The following ANXA10 variants were observed in gnomAD, a reference collection of about 807,000 sequenced individuals.
The protein encoded by ANXA10 is annexin A10.
ANXA10 carries 49 observed loss-of-function variants against 53.5 expected under a neutral mutation model. The ratio of observed to expected loss-of-function variants is 0.92; its 90% CI spans 0.73 to 1.16. The LOEUF (loss-of-function observed/expected upper bound fraction) is 1.16. Ranked by LOEUF, ANXA10 falls within the 50% of genes most tolerant of loss-of-function variation. The pLI is 0.00. For synonymous variants in ANXA10, 131 were observed against 128.9 expected (o/e 1.02, Z -0.11); for missense variants, 393 against 394.4 (o/e 1.00, Z 0.03).
intron 3 of ANXA10, among the ~76,000 whole-genome samples, chr4:168,160,509 C>T (rs544652158): frequency 2.6e-5 from 4 of 152,008 alleles, no homozygotes; most frequent in Admixed American, 6.6e-5. Flanking sequence ...AATAGTGCTG[C>T]GATGAACATA....
intron 1 of ANXA10, chr4:168,113,454 T>C (rs1266531597): frequency 6.6e-6 from 1 of 152,230 alleles, no homozygotes; most frequent in Non-Finnish European, 1.5e-5. Context: ...TCTGCTTTCA[T>C]CTCACTTGGT....
At chr4:168,157,209 C>T (rs959283655) in intron 3 of ANXA10, among the ~76,000 whole-genome samples, 23 of 151,994 alleles carry the variant, frequency 1.5e-4, no homozygotes, top group Admixed American at 7.9e-4. Flanking sequence ...ATAAAATAAA[C>T]TTTATTTATG....
intron 2 of ANXA10, among the ~76,000 whole-genome samples, chr4:168,136,532 A>G (rs1378871400): frequency 3.3e-5 from 5 of 152,238 alleles, no homozygotes; most frequent in Non-Finnish European, 7.3e-5. Flanking sequence ...TTAACAGGGC[A>G]GTCATTGAAT....
chr4:168,149,056 A>G (rs978525070), intron 3 of ANXA10, among the ~76,000 whole-genome samples: 1 of 152,028 alleles, frequency 6.6e-6, no homozygotes, highest in Non-Finnish European at 1.5e-5. Flanking sequence ...CCTTTTTTCT[A>G]TAGATTCTCT....
intron 4 of ANXA10, among the ~76,000 whole-genome samples, chr4:168,163,390 A>G (rs1731818867): frequency 6.6e-6 from 1 of 152,204 alleles, no homozygotes; most frequent in Admixed American, 6.5e-5. Context: ...TGTGACAGAA[A>G]AGAGGCAACA....
intron 1 of ANXA10, among the ~76,000 whole-genome samples, chr4:168,107,844 C>A (rs1730742445): frequency 6.6e-6 from 1 of 152,092 alleles, no homozygotes; most frequent in African/African-American, 2.4e-5. Context: ...GGCCTCATCT[C>A]CAAATACCAT....
intron 1 of ANXA10, among the ~76,000 whole-genome samples, chr4:168,111,381 A>T (rs1730804294): frequency 6.6e-6 from 1 of 152,180 alleles, no homozygotes; most frequent in Non-Finnish European, 1.5e-5. Context: ...TAGGCCTTTT[A>T]ACCACTTTAT....
At chr4:168,150,505 C>T (rs2149474080) in intron 3 of ANXA10, among the ~76,000 whole-genome samples, 1 of 152,240 alleles carries the variant, frequency 6.6e-6, no homozygotes, top group Non-Finnish European at 1.5e-5. Flanking sequence ...TTCTGACAGG[C>T]TGGGAAGCAT....
intron 1 of ANXA10, among the ~76,000 whole-genome samples, chr4:168,112,181 G>A (rs1267557521): frequency 2.0e-5 from 3 of 151,824 alleles, no homozygotes; most frequent in Non-Finnish European, 4.4e-5. Context: ...TTGTAGTCCC[G>A]GCTACTCAGG....
At chr4:168,148,472 T>C (rs182834406) in intron 3 of ANXA10, among the ~76,000 whole-genome samples, 1 of 152,288 alleles carries the variant, frequency 6.6e-6, no homozygotes, top group Admixed American at 6.5e-5. Context: ...GCCATGACAA[T>C]TTTTTAAAAT....
At chr4:168,153,425 A>AAAAAAAAAAAAAAC (rs1731532723) in intron 3 of ANXA10, among the ~76,000 whole-genome samples, 1 of 51,268 alleles carries the variant, frequency 2.0e-5, no homozygotes, top group African/African-American at 2.0e-4. Flanking sequence ...CCTAAAGCAA[A>AAAAAAAAAAAAAAC]AAAAAAAAAA....
intron 9 of ANXA10, 30 bp from the exon 10 acceptor site, chr4:168,181,653 G>T (rs761244276): frequency 6.4e-7 from 1 of 1,554,464 alleles, no homozygotes; most frequent in African/African-American, 1.4e-5. Flanking sequence ...CACTCTCAAT[G>T]TTTCTTCTTC....
At chr4:168,112,389 C>A (rs1730822793) in intron 1 of ANXA10, among the ~76,000 whole-genome samples, 1 of 152,050 alleles carries the variant, frequency 6.6e-6, no homozygotes, top group Non-Finnish European at 1.5e-5. Context: ...CATTTAGAAA[C>A]AAACACCTTA....
Position 168,179,303 on chromosome 4 carries a change from G to T in ANXA10, c.715G>T (p.Val239Phe), listed in dbSNP as rs1445201341. Residue 239 changes from valine (V) to phenylalanine (F), a missense_variant, in exon 9 of 12, where the codon GTT becomes TTT. Physicochemically the swap from Val to Phe is conservative, Grantham distance 50. Coordinates refer to ENST00000359299, the MANE Select transcript of ANXA10 (RefSeq NM_007193.5). ...TGATGGATACTTTCAGGAGCTGCTGGTTGCAATTGGTAAGTAATAAATTAT... is the reference window on the plus strand; with the variant it reads ...TGATGGATACTTTCAGGAGCTGCTGTTTGCAATTGGTAAGTAATAAATTAT... The part of the protein sequence containing the change: ...CYDGYFQELL[V>F]AIVLCVRDKP... 6.2e-7 allele frequency: 1 copy of T among 1,603,976 alleles called. No individual in the cohort carries two copies. Among genetic ancestry groups the T allele is most frequent in the East Asian group, 2.2e-5 (1 of 44,708 alleles).
chr4:168,131,386 A>C (rs11938504), intron 2 of ANXA10, among the ~76,000 whole-genome samples: 99,910 of 151,706 alleles, frequency 0.66, 34,083 homozygotes, highest in African/African-American at 0.82. Flanking sequence ...TTTTGTGGTC[A>C]AGAATGTGGT....
chr4:168,143,938 C>T (rs1186915422), intron 3 of ANXA10, among the ~76,000 whole-genome samples: 1 of 152,114 alleles, frequency 6.6e-6, no homozygotes, highest in Non-Finnish European at 1.5e-5. Flanking sequence ...CTGCCAAATC[C>T]CTCACATCTT....
chr4:168,174,727 A>T (rs1364148604), intron 6 of ANXA10, among the ~76,000 whole-genome samples: 1 of 152,228 alleles, frequency 6.6e-6, no homozygotes, highest in Admixed American at 6.5e-5. Flanking sequence ...AAGGCCGAAG[A>T]AAAACGGAAT....
intron 6 of ANXA10, among the ~76,000 whole-genome samples, chr4:168,169,353 C>T (rs569849317): frequency 6.6e-6 from 1 of 152,284 alleles, no homozygotes; most frequent in Non-Finnish European, 1.5e-5. Context: ...TTGCCCCTAA[C>T]AGAGTGAAGC....
rs745411561 is a variant in ANXA10, at chr4:168,184,665, T to C, written c.890T>C (p.Leu297Pro). 1 of 1,614,006 alleles carries C rather than the reference T, an allele frequency of 6.2e-7. No homozygotes were observed. The change falls in exon 11 of 12, where the codon CTA becomes CCA. Residue 297 changes from leucine (L) to proline (P), a missense_variant. Coordinates refer to ENST00000359299, the MANE Select transcript of ANXA10 (RefSeq NM_007193.5). ...TACAAAGAGCGATATGGAAAATCCC[T>C]ATTTCATGATATCAGAGTAAGTTTC... ...KRYKERYGKS[L>P]FHDIRNFASG...
Sources: gnomAD v4.1 joint callset for allele counts (sites outside exome capture counted in the v4.1 genomes callset) on GRCh38, gnomAD v4.1.1 for gene constraint, MANE v1.5 for transcripts, NCBI Gene and HGNC (gene_info 2026-07-23, HGNC 2026-07-21) for gene names.